USH2A: variants seen among roughly 807,000 people sequenced by gnomAD.
USH2A encodes usherin.
USH2A carries 443 observed loss-of-function variants against 538.9 expected under a neutral mutation model. That is an observed-to-expected ratio of 0.82 (90% confidence interval 0.76 to 0.89). The LOEUF (loss-of-function observed/expected upper bound fraction) is 0.89, where lower values mean the gene tolerates loss of function less well. Among genes scored for constraint, USH2A ranks in the 40% least tolerant of loss-of-function variants. The pLI, the probability that USH2A is intolerant of heterozygous loss-of-function variation, is 0.00. For missense variants in USH2A, 6,633 were observed against 6,324.8 expected, an observed-to-expected ratio of 1.05 and a Z score of -1.65; for synonymous variants, 2,413 against 2,273.5, an observed-to-expected ratio of 1.06 and a Z score of -1.75.
At chr1:215,830,199 A>T (rs1329030272) in intron 47 of USH2A, among the ~76,000 whole-genome samples, 2 of 152,116 alleles carry the variant, frequency 1.3e-5, no homozygotes, top group East Asian at 1.9e-4. Context: ...GAGAAAGTAA[A>T]TTTTTTCCGG....
intron 52 of USH2A, among the ~76,000 whole-genome samples, chr1:215,785,435 C>A (rs989595530): frequency 6.6e-6 from 1 of 152,092 alleles, no homozygotes; most frequent in Non-Finnish European, 1.5e-5. Flanking sequence ...TTTCTCATGG[C>A]GAGTAACTTT....
At chr1:215,693,068 TTG>T (rs200699445) in intron 61 of USH2A, among the ~76,000 whole-genome samples, 1,715 of 129,416 alleles carry the variant, frequency 0.013, 21 homozygotes, top group African/African-American at 0.032. Context: ...CAGCTAATTT[TTG>T]TGTGTGTATA....
chr1:216,239,115 A>T (rs576707617), intron 13 of USH2A, among the ~76,000 whole-genome samples: 2 of 151,046 alleles, frequency 1.3e-5, no homozygotes, highest in African/African-American at 4.9e-5. Context: ...AAAAAAAAAA[A>T]CATTAAAGTG....
At chr1:216,000,257 C>A in intron 33 of USH2A, 146 bp downstream of exon 33, 2 of 1,150,832 alleles carry the variant, frequency 1.7e-6, no homozygotes, top group Non-Finnish European at 2.5e-6. Context: ...AAGTGATAAT[C>A]AAAGGTTCCC....
intron 37 of USH2A, among the ~76,000 whole-genome samples, chr1:215,947,813 T>C (rs776905010): frequency 1.3e-5 from 2 of 152,202 alleles, no homozygotes; most frequent in African/African-American, 2.4e-5. Flanking sequence ...CTATTTACAA[T>C]GAAACATAAT....
In USH2A at chr1:216,174,544, T is replaced by G. The variant is rs564530364; in HGVS notation, c.4627+708A>C. ...GCTTTTGATAATATTTTTATAGTGCTTTCACATTGATTTTCATTTTTAAAA... is the reference window on the plus strand; with the variant it reads ...GCTTTTGATAATATTTTTATAGTGCGTTCACATTGATTTTCATTTTTAAAA... On this transcript the variant is annotated intron_variant, in intron 21 of 71. Transcript: ENST00000307340. 4 of 983,342 alleles carry G rather than the reference T, an allele frequency of 4.1e-6. No homozygotes were observed. In the African/African-American group the frequency reaches 5.2e-5, roughly 13 times the overall value. The allele number at this position is 983,342 out of a possible 1,614,324, so 60.9% of individuals were successfully genotyped here. A position where few individuals can be genotyped will look rare whatever the true frequency, so the allele number is the denominator to read the frequency against.
chr1:215,683,009 C>G (rs537582835), intron 61 of USH2A, among the ~76,000 whole-genome samples: 1 of 152,034 alleles, frequency 6.6e-6, no homozygotes, highest in South Asian at 2.1e-4. Flanking sequence ...CAGTCATGTA[C>G]CACCGTGTGT....
At chr1:215,939,619 A>G (rs1666586265) in intron 37 of USH2A, among the ~76,000 whole-genome samples, 1 of 152,098 alleles carries the variant, frequency 6.6e-6, no homozygotes, top group African/African-American at 2.4e-5. Flanking sequence ...ATATTTTCAC[A>G]TGTATGACTC....
chr1:216,039,802 A>G (rs2030184080), intron 32 of USH2A, among the ~76,000 whole-genome samples: 1 of 151,958 alleles, frequency 6.6e-6, no homozygotes, highest in Non-Finnish European at 1.5e-5. Flanking sequence ...CTTCGTCAAT[A>G]AATTTCCCAT....
At chr1:216,173,213 A>G (rs940787220) in intron 21 of USH2A, among the ~76,000 whole-genome samples, 1 of 152,208 alleles carries the variant, frequency 6.6e-6, no homozygotes, top group African/African-American at 2.4e-5. Flanking sequence ...TTAATTGGGT[A>G]CATTTAGTTA....
At chr1:216,309,472 ATTGT>A (rs1464254049) in intron 9 of USH2A, among the ~76,000 whole-genome samples, 3 of 151,924 alleles carry the variant, frequency 2.0e-5, no homozygotes, top group East Asian at 1.9e-4. Context: ...ATTTGTTGTG[ATTGT>A]TTATTTATTT....
intron 61 of USH2A, among the ~76,000 whole-genome samples, chr1:215,720,851 A>G (rs1022885089): frequency 7.9e-5 from 12 of 152,206 alleles, no homozygotes; most frequent in African/African-American, 2.9e-4. Flanking sequence ...AGAAAATCCC[A>G]TGAGGCATCT....
chr1:216,069,872 C>T (rs1277139701), intron 30 of USH2A, among the ~76,000 whole-genome samples: 2 of 152,104 alleles, frequency 1.3e-5, no homozygotes, highest in Non-Finnish European at 2.9e-5. Flanking sequence ...GAGAGAATAT[C>T]TACCTTAGAA....
chr1:216,307,173 A>G (rs1466882606), intron 9 of USH2A, among the ~76,000 whole-genome samples: 2 of 152,006 alleles, frequency 1.3e-5, no homozygotes, highest in African/African-American at 4.8e-5. Flanking sequence ...GCAGGTAGAG[A>G]AAGGCCATCA....
chr1:216,237,154 T>C (rs1205498274), intron 13 of USH2A, among the ~76,000 whole-genome samples: 1 of 152,176 alleles, frequency 6.6e-6, no homozygotes, highest in Non-Finnish European at 1.5e-5. Context: ...TTCTCGGAGA[T>C]AATTCCATTT....
intron 11 of USH2A, among the ~76,000 whole-genome samples, chr1:216,273,773 T>C (rs568314403): frequency 9.0e-4 from 136 of 151,080 alleles, no homozygotes; most frequent in Non-Finnish European, 1.2e-3. Flanking sequence ...TTATGACTTG[T>C]TAAATAGAGA....
intron 32 of USH2A, among the ~76,000 whole-genome samples, chr1:216,023,198 T>C: frequency 6.6e-6 from 1 of 152,042 alleles, no homozygotes; most frequent in East Asian, 1.9e-4. Flanking sequence ...TATATCTACC[T>C]GATCTATCTG....
chr1:215,647,501 G>A (rs373544545), intron 67 of USH2A, 21 bp downstream of exon 67: 1 of 1,613,066 alleles, frequency 6.2e-7, no homozygotes, highest in African/African-American at 1.3e-5. Context: ...CTGGCTTATG[G>A]TAGCAGCCAC....
rs145240050 is a variant in USH2A, at chr1:215,989,328, C to T, written c.6805+3692G>A. Reference sequence around the variant, plus strand: ...TCTATATCTGGTCCTGCAACATCTTCGTGAGGATGCAGAGGGATGACATGT... The same window carrying T: ...TCTATATCTGGTCCTGCAACATCTTTGTGAGGATGCAGAGGGATGACATGT... On this transcript the variant is annotated intron_variant, in intron 35 of 71. Transcript: ENST00000307340. Among the ~76,000 whole-genome samples, 865 of 152,210 alleles carry T rather than the reference C, an allele frequency of 5.7e-3. 8 individuals carry two copies. The highest frequency in any genetic ancestry group is 0.019 in the African/African-American group (800 of 41,546).
Sources: allele counts gnomAD v4.1 joint callset (sites outside exome capture counted in the v4.1 genomes callset), GRCh38; gene constraint gnomAD v4.1.1; transcripts MANE v1.5; gene names NCBI Gene and HGNC (gene_info 2026-07-23, HGNC 2026-07-21).